The following STRC variants were observed in gnomAD, a reference collection of about 807,000 sequenced individuals.
The protein encoded by STRC is stereocilin.
A neutral mutation model predicts 103.5 loss-of-function variants in STRC; 43 were observed. The ratio of observed to expected loss-of-function variants is 0.42; its 90% CI spans 0.33 to 0.54. The LOEUF is 0.54. Among genes scored for constraint, STRC ranks in the 20% least tolerant of loss-of-function variants. The pLI is 0.14. For missense variants in STRC, 499 were observed against 1,088.5 expected (o/e 0.46, Z 7.62); for synonymous variants, 186 against 442.3 (o/e 0.42, Z 7.27).
At chr15:43,603,134 A>G in intron 23 of STRC, 108 bp downstream of exon 23, 1 of 1,213,446 alleles carries the variant, frequency 8.2e-7, no homozygotes, top group Non-Finnish European at 1.2e-6. Context: ...TAACTCTTCT[A>G]TCTCTTGCTT....
intron 18 of STRC, among the ~76,000 whole-genome samples, chr15:43,606,549 G>C (rs2085711517): frequency 6.6e-6 from 1 of 150,778 alleles, no homozygotes; most frequent in South Asian, 2.1e-4. Flanking sequence ...GCAGTGAGCC[G>C]AGATGGCACC....
In STRC at chr15:43,601,896, G is replaced by C. The variant is rs564117673; in HGVS notation, c.4546-345C>G. ...GCACTTTGGGAGGCTGAGGTGGGAGGATTGCTTGAGCCCAGAAGTTCGAGA... is the reference window on the plus strand; with the variant it reads ...GCACTTTGGGAGGCTGAGGTGGGAGCATTGCTTGAGCCCAGAAGTTCGAGA... On this transcript the variant is annotated intron_variant, in intron 23 of 28. Coordinates refer to ENST00000450892, the MANE Select transcript of STRC (RefSeq NM_153700.2). Among the ~76,000 whole-genome samples, 240 of 151,740 alleles carry C rather than the reference G, an allele frequency of 1.6e-3. 3 individuals are homozygous for C. The highest frequency in any genetic ancestry group is 2.8e-3 in the Non-Finnish European group (189 of 67,896).
At chr15:43,609,143 C>G in intron 16 of STRC, 133 bp downstream of exon 16, 2 of 784,218 alleles carry the variant, frequency 2.6e-6, no homozygotes, top group Non-Finnish European at 4.5e-6. Context: ...GCTAGGAGAA[C>G]GTCCACGAGG....
At chr15:43,602,377 T>C (rs1208166028) in intron 23 of STRC, among the ~76,000 whole-genome samples, 2 of 151,664 alleles carry the variant, frequency 1.3e-5, no homozygotes, top group Admixed American at 6.6e-5. Context: ...AGAGACAGGG[T>C]TTCACCATGT....
At position 43,601,447 on chromosome 15, in the gene STRC, G is replaced by C; in HGVS notation, c.4650C>G (p.Asp1550Glu). The C allele has an allele frequency of 1.2e-6, 2 of 1,613,818 alleles. No individual in the cohort carries two copies. The highest frequency in any genetic ancestry group is 1.7e-6 in the Non-Finnish European group (2 of 1,179,858). The change falls in exon 24 of 29, where the codon GAC becomes GAG. Residue 1550 changes from aspartate (D) to glutamate (E), a missense_variant. Asp to Glu is a conservative substitution (Grantham distance 45, BLOSUM62 2). Coordinates refer to ENST00000450892, the MANE Select transcript of STRC (RefSeq NM_153700.2). ...GCCCCAGGGTGCTCAGCACTCCCCA[G>C]TCCACTAGGATCAGCTCCTGTAGTT... The part of the protein sequence containing the change: ...DRELQELILV[D>E]WGVLSTLGQI...
In STRC at chr15:43,603,411, T is replaced by A; in HGVS notation, c.4376A>T (p.Glu1459Val). ...TACATCTGCACAATTTGGCACAGGT[T>A]CTGAAGGGGGAAGGCAGGGCCAGGA... ...VVRPAAEDLP[E>V]PVPNCADVRG... Residue 1459 changes from glutamate to valine, a missense_variant and splice_region_variant, in exon 23 of 29, where the codon GAA becomes GTA. By Grantham distance (121) the Glu-to-Val change is moderately radical (BLOSUM62 -2). Coordinates refer to ENST00000450892, the MANE Select transcript of STRC (RefSeq NM_153700.2). 6.2e-7 allele frequency: 1 copy of A among 1,613,316 alleles called. No individual in the cohort carries two copies. Among genetic ancestry groups the A allele is most frequent in the Non-Finnish European group, 8.5e-7 (1 of 1,179,844 alleles).
rs369626284 is a variant in STRC at position 43,607,822 on chromosome 15, G to A, written c.3794+41C>T. The A allele has an allele frequency of 1.9e-4, 262 of 1,402,168 alleles. 7 individuals carry two copies. In the African/African-American group the frequency reaches 3.9e-3, roughly 21 times the overall value. 86.9% of individuals were successfully genotyped at this position (1,402,168 alleles called of 1,614,324 possible). A position where few individuals can be genotyped will look rare whatever the true frequency, so the allele number is the denominator to read the frequency against. ...TAAGGGCAGATCTTCACCCCAGATT[G>A]AGCTTTCTGAGGGGCCAATATCTCT... On this transcript the variant is annotated intron_variant, in intron 18 of 28. Transcript: ENST00000450892.
Position 43,601,400 on chromosome 15 carries a change from G to A in STRC, c.4697C>T (p.Thr1566Ile), listed in dbSNP as rs200698944. The A allele has an allele frequency of 1.1e-5, 17 of 1,613,292 alleles. 1 individual carries two copies. Among genetic ancestry groups the A allele is most frequent in the Middle Eastern group, 1.7e-4 (1 of 5,772 alleles). ...TLGQIDGWST[T>I]QLRIVVSSFL... The stretch of plus-strand genomic sequence containing the variant: ...AGGGAGGAGGAAAAGTGTTACCTGA[G>A]TGGTGCTCCAGCCATCTATCTGCCC... The change falls in exon 24 of 29, where the codon ACT becomes ATT. Residue 1566 changes from threonine (T) to isoleucine (I), a missense_variant. Thr to Ile is a moderately conservative substitution (Grantham distance 89). Transcript: ENST00000450892.
At chr15:43,605,524 G>C in intron 18 of STRC, 125 bp from the exon 19 acceptor site, 1 of 1,506,592 alleles carries the variant, frequency 6.6e-7, no homozygotes, top group East Asian at 2.5e-5. Flanking sequence ...AGCTGGACAG[G>C]AACTGATAGT....
chr15:43,601,291 C>T (rs2085665565), intron 24 of STRC, 105 bp downstream of exon 24: 1 of 1,523,314 alleles, frequency 6.6e-7, no homozygotes, highest in African/African-American at 1.4e-5. Context: ...AAAGAAGGAC[C>T]AGGTAGGGTC....
intron 23 of STRC, among the ~76,000 whole-genome samples, chr15:43,603,036 C>T (rs2085683954): frequency 6.6e-6 from 1 of 151,866 alleles, no homozygotes; most frequent in African/African-American, 2.4e-5. Flanking sequence ...AATTTGGTAA[C>T]CACTGCTTTC....
At chr15:43,600,328 G>C in intron 26 of STRC, 35 bp from the exon 27 acceptor site, 1 of 826,204 alleles carries the variant, frequency 1.2e-6, no homozygotes, top group Non-Finnish European at 2.0e-6. Context: ...CATTGTCTTA[G>C]ACTGACCTTC....
chr15:43,600,805 A>T, intron 25 of STRC, 67 bp downstream of exon 25: 1 of 1,613,456 alleles, frequency 6.2e-7, no homozygotes, highest in Non-Finnish European at 8.5e-7. Context: ...GACCTTCATG[A>T]TCCTTCTTTC....
chr15:43,605,456 G>A, intron 18 of STRC, 57 bp from the exon 19 acceptor site: 2 of 1,561,296 alleles, frequency 1.3e-6, no homozygotes, highest in South Asian at 1.2e-5. Flanking sequence ...AAGTCGAGAA[G>A]GGACCACAAA....
chr15:43,608,104 C>T lies in STRC; in HGVS notation c.3657G>A (p.Leu1219=), dbSNP rs1595960389. ...CCAGGCTCCCTCGAACTCTAGTGGG[C>T]AGCTGATAGATCATGTGCACCACTT... ...FLEVVHMIYQ[L]PTRVRGSLRA... The change falls in exon 17 of 29, where the codon CTG becomes CTA. Residue 1219 remains leucine, a synonymous_variant. Coordinates refer to ENST00000450892, the MANE Select transcript of STRC (RefSeq NM_153700.2). 2 of 1,609,568 alleles carry T rather than the reference C, an allele frequency of 1.2e-6. No homozygotes were observed. Among genetic ancestry groups the T allele is most frequent in the East Asian group, 2.2e-5 (1 of 44,744 alleles).
chr15:43,614,171 CT>C, intron 6 of STRC, 24 bp downstream of exon 6: 2 of 241,648 alleles, frequency 8.3e-6, no homozygotes, highest in Admixed American at 8.1e-5. Flanking sequence ...TCCAGGTGCC[CT>C]TGCTCCCCTT....
intron 23 of STRC, 129 bp from the exon 24 acceptor site, chr15:43,601,680 C>A: frequency 1.0e-6 from 1 of 952,678 alleles, no homozygotes; most frequent in East Asian, 2.6e-5. Flanking sequence ...TCTTTAGTTT[C>A]CTCCACTATA....
intron 23 of STRC, 124 bp from the exon 24 acceptor site, chr15:43,601,675 A>G (rs879658452): frequency 2.4e-5 from 24 of 995,350 alleles, no homozygotes; most frequent in South Asian, 4.1e-5. Context: ...CCTTTTCTTT[A>G]GTTTCCTCCA....
intron 22 of STRC, among the ~76,000 whole-genome samples, chr15:43,603,742 G>A (rs1179348421): frequency 2.6e-5 from 4 of 152,096 alleles, no homozygotes; most frequent in East Asian, 1.9e-4. Context: ...ACACTTAGCC[G>A]AGCTAGAGCT....
Sources: gnomAD v4.1 joint callset for allele counts (sites outside exome capture counted in the v4.1 genomes callset) on GRCh38, gnomAD v4.1.1 for gene constraint, MANE v1.5 for transcripts, NCBI Gene and HGNC (gene_info 2026-07-23, HGNC 2026-07-21) for gene names.